TRAF6: variants seen among roughly 807,000 people sequenced by gnomAD.
TRAF6 encodes the protein TNF receptor associated factor 6.
A neutral mutation model predicts 48.4 loss-of-function variants in TRAF6; 10 were observed. The ratio of observed to expected loss-of-function variants is 0.21; its 90% CI spans 0.13 to 0.35. The LOEUF is 0.35. Among genes scored for constraint, TRAF6 ranks in the 10% least tolerant of loss-of-function variants. The pLI is 1.00. For synonymous variants in TRAF6, 186 were observed against 219.6 expected, an observed-to-expected ratio of 0.85 and a Z score of 1.35; for missense variants, 397 against 661.0, an observed-to-expected ratio of 0.60 and a Z score of 4.38.
intron 1 of TRAF6, among the ~76,000 whole-genome samples, chr11:36,502,465 ATAAT>A (rs1392540200): frequency 3.9e-5 from 6 of 152,136 alleles, no homozygotes; most frequent in Non-Finnish European, 8.8e-5. Flanking sequence ...TGTATTTTAA[ATAAT>A]TACTTTTGAA....
At chr11:36,492,255 C>T (rs1432002529) in intron 6 of TRAF6, among the ~76,000 whole-genome samples, 1 of 152,164 alleles carries the variant, frequency 6.6e-6, no homozygotes, top group East Asian at 1.9e-4. Flanking sequence ...CTTGTAGTTC[C>T]TCAAATCACC....
chr11:36,507,658 TAC>T (rs5791111), intron 1 of TRAF6, among the ~76,000 whole-genome samples: 157 of 1,926 alleles, frequency 0.082, 51 homozygotes, highest in East Asian at 0.43. Context: ...TATGTATACA[TAC>T]ACACGCGCGT....
At chr11:36,492,928 A>G (rs1564965515) in intron 5 of TRAF6, among the ~76,000 whole-genome samples, 1 of 152,160 alleles carries the variant, frequency 6.6e-6, no homozygotes, top group Non-Finnish European at 1.5e-5. Flanking sequence ...CAGAAAAAAC[A>G]CCTAACAATA....
rs996036397 is a variant in TRAF6 at position 36,486,149 on chromosome 11, C to T, written c.*3689G>A. Reference sequence around the variant, plus strand: ...GTGCTTCCCGGGTTCAAGCGATTCCCGTGCCTCAGCCTCCCAAGAAGCTGG... The same window carrying T: ...GTGCTTCCCGGGTTCAAGCGATTCCTGTGCCTCAGCCTCCCAAGAAGCTGG... On this transcript the variant is annotated 3_prime_UTR_variant, in exon 7 of 7. Transcript: ENST00000526995. Among the ~76,000 whole-genome samples, 1 of 152,106 alleles carries T rather than the reference C, an allele frequency of 6.6e-6. No homozygotes were observed. The highest frequency in any genetic ancestry group is 1.5e-5 in the Non-Finnish European group (1 of 68,038).
Position 36,507,441 on chromosome 11 carries a change from C to T in TRAF6, c.-23+2607G>A, listed in dbSNP as rs2133680605. Among the ~76,000 whole-genome samples, 2 of 3,922 alleles carry T rather than the reference C, an allele frequency of 5.1e-4. 1 individual carries two copies. The highest frequency in any genetic ancestry group is 5.7e-4 in the African/African-American group (2 of 3,488). 2.6% of individuals were successfully genotyped at this position (3,922 alleles called of 152,430 possible). ...TATATGTATATATACATGTATTATA[C>T]ATACATAAATGTATATATATATACA... On this transcript the variant is annotated intron_variant, in intron 1 of 6. Transcript: ENST00000526995.
At position 36,510,154 on chromosome 11, in the gene TRAF6, G is replaced by T. The variant is rs1314777977; in HGVS notation, c.-129C>A. The T allele has an allele frequency of 3.9e-5, 6 of 152,384 alleles. No homozygotes were observed. Among genetic ancestry groups the T allele is most frequent in the Non-Finnish European group, 1.5e-5 (1 of 68,196 alleles). 9.4% of individuals were successfully genotyped at this position (152,384 alleles called of 1,614,324 possible). A position where few individuals can be genotyped will look rare whatever the true frequency, so the allele number is the denominator to read the frequency against. The stretch of plus-strand genomic sequence containing the variant: ...TAGAGGACGGACACAGACACTGCGC[G>T]CCGAGACGAGGCTGCTTGGACGGCA... On this transcript the variant is annotated 5_prime_UTR_variant, in exon 1 of 7. Coordinates refer to ENST00000526995, the MANE Select transcript of TRAF6 (RefSeq NM_004620.4).
At chr11:36,500,044 A>G (rs1398254163) in intron 2 of TRAF6, among the ~76,000 whole-genome samples, 1 of 152,216 alleles carries the variant, frequency 6.6e-6, no homozygotes, top group African/African-American at 2.4e-5. Flanking sequence ...CTGATCATCT[A>G]CTATGGGTCA....
rs558677176 is a variant in TRAF6, at chr11:36,487,843, T to C, written c.*1995A>G. 6.6e-6 allele frequency: 1 copy of C among 152,338 alleles called. No homozygotes were observed. The highest frequency in any genetic ancestry group is 2.4e-5 in the African/African-American group (1 of 41,572). The allele number at this position is 152,338 out of a possible 1,614,324, so 9.4% of individuals were successfully genotyped here. Reference sequence around the variant, plus strand: ...GAAATCTGACCAGGAAGCTTTTAAATATCATTTCCTTTTTTGAGCTGGGGG... The same window carrying C: ...GAAATCTGACCAGGAAGCTTTTAAACATCATTTCCTTTTTTGAGCTGGGGG... On this transcript the variant is annotated 3_prime_UTR_variant, in exon 7 of 7. Coordinates refer to ENST00000526995, the MANE Select transcript of TRAF6 (RefSeq NM_004620.4).
chr11:36,494,918 C>A, intron 5 of TRAF6, 58 bp downstream of exon 5: 3 of 1,240,550 alleles, frequency 2.4e-6, no homozygotes, highest in South Asian at 1.3e-5. Flanking sequence ...AATTAAAAAA[C>A]CTAATTCACT....
At chr11:36,506,670 A>C (rs1030469198) in intron 1 of TRAF6, among the ~76,000 whole-genome samples, 1 of 152,196 alleles carries the variant, frequency 6.6e-6, no homozygotes, top group African/African-American at 2.4e-5. Context: ...TGTGTTCCTA[A>C]GAAAATCTGT....
chr11:36,496,141 T>A (rs1233412507), intron 4 of TRAF6, among the ~76,000 whole-genome samples: 4 of 152,194 alleles, frequency 2.6e-5, no homozygotes, highest in Non-Finnish European at 5.9e-5. Flanking sequence ...ATACATAGGA[T>A]AGGGATCAAG....
intron 1 of TRAF6, among the ~76,000 whole-genome samples, chr11:36,508,984 G>A (rs901410944): frequency 1.3e-5 from 2 of 152,138 alleles, no homozygotes; most frequent in Non-Finnish European, 2.9e-5. Flanking sequence ...ATGTGATCCT[G>A]TACCCACCAC....
At chr11:36,509,227 G>C (rs989813154) in intron 1 of TRAF6, among the ~76,000 whole-genome samples, 1 of 152,186 alleles carries the variant, frequency 6.6e-6, no homozygotes, top group Non-Finnish European at 1.5e-5. Context: ...CTCAGAGAAA[G>C]AAACAATTAA....
intron 4 of TRAF6, 87 bp downstream of exon 4, chr11:36,497,021 C>A: frequency 7.2e-7 from 1 of 1,389,056 alleles, no homozygotes; most frequent in East Asian, 2.4e-5. Context: ...GAGTCACATC[C>A]TTATCTACTG....
In TRAF6 at chr11:36,510,268, C is replaced by T. The variant is rs1234028623; in HGVS notation, c.-243G>A. The T allele has an allele frequency of 6.6e-6, 1 of 152,544 alleles. No homozygotes were observed. Among genetic ancestry groups the T allele is most frequent in the Non-Finnish European group, 1.5e-5 (1 of 68,508 alleles). 9.4% of individuals were successfully genotyped at this position (152,544 alleles called of 1,614,324 possible). A position where few individuals can be genotyped will look rare whatever the true frequency, so the allele number is the denominator to read the frequency against. On this transcript the variant is annotated 5_prime_UTR_variant, in exon 1 of 7. Transcript: ENST00000526995. ...GCGGACGCCACTGCTTCCGCCTTCT[C>T]TGCTGGCTGCGGGGAGCGAGGGGCA...
chr11:36,506,968 T>C (rs1211059190), intron 1 of TRAF6, among the ~76,000 whole-genome samples: 1 of 152,018 alleles, frequency 6.6e-6, no homozygotes, highest in Non-Finnish European at 1.5e-5. Context: ...TAAAACATTT[T>C]GTCCCTTTAG....
chr11:36,490,799 T>G lies in TRAF6; in HGVS notation c.757-149A>C, dbSNP rs764005443. 4.4e-6 allele frequency: 3 copies of G among 677,872 alleles called. No homozygotes were observed. The highest frequency in any genetic ancestry group is 7.2e-6 in the Non-Finnish European group (3 of 414,948). The allele number at this position is 677,872 out of a possible 1,614,324, so 42.0% of individuals were successfully genotyped here. A position where few individuals can be genotyped will look rare whatever the true frequency, so the allele number is the denominator to read the frequency against. On this transcript the variant is annotated intron_variant, in intron 6 of 6. Coordinates refer to ENST00000526995, the MANE Select transcript of TRAF6 (RefSeq NM_004620.4). The surrounding 1 kb of genome is among the most constrained non-coding windows in gnomAD (Gnocchi z 6.4). ...TCCTTTGCCTTCAACAGATTCTTGA[T>G]CCAATGAGGCGACTCTGCCTCTTAG...
intron 4 of TRAF6, among the ~76,000 whole-genome samples, chr11:36,496,795 T>C (rs1055903478): frequency 2.0e-5 from 3 of 152,178 alleles, no homozygotes; most frequent in Non-Finnish European, 4.4e-5. Context: ...CAATCCAAAA[T>C]TGGTTATTAA....
Position 36,486,758 on chromosome 11 carries a change from A to G in TRAF6, c.*3080T>C, listed in dbSNP as rs546960278. 1.3e-5 allele frequency among the ~76,000 whole-genome samples: 2 copies of G among 152,190 alleles called. No homozygotes were observed. The highest frequency in any genetic ancestry group is 2.9e-5 in the Non-Finnish European group (2 of 68,044). Reference sequence around the variant, plus strand: ...AATCAACATTCAGACTTGTTTGCCAACAGCAAAATGTATGACGTGCAGCAA... The same window carrying G: ...AATCAACATTCAGACTTGTTTGCCAGCAGCAAAATGTATGACGTGCAGCAA... On this transcript the variant is annotated 3_prime_UTR_variant, in exon 7 of 7. Coordinates refer to ENST00000526995, the MANE Select transcript of TRAF6 (RefSeq NM_004620.4).
Sources: allele counts gnomAD v4.1 joint callset (sites outside exome capture counted in the v4.1 genomes callset), GRCh38; gene constraint gnomAD v4.1.1; non-coding constraint Gnocchi (gnomAD v3.1); transcripts MANE v1.5; gene names NCBI Gene and HGNC (gene_info 2026-07-23, HGNC 2026-07-21).